The following TRIM37 variants were observed in gnomAD, a reference collection of about 807,000 sequenced individuals.
TRIM37 encodes the protein tripartite motif containing 37.
A neutral mutation model predicts 129.8 loss-of-function variants in TRIM37; 80 were observed. The observed-to-expected ratio is 0.62, with a 90% CI of 0.51 to 0.74. TRIM37 has a LOEUF of 0.74. Ranked by LOEUF, TRIM37 falls within the 30% of genes least tolerant of loss-of-function variation. TRIM37 has a pLI of 0.00. For missense variants in TRIM37, 1,054 were observed against 1,176.5 expected (o/e 0.90, Z 1.52); for synonymous variants, 389 against 387.1 (o/e 1.00, Z -0.06).
intron 2 of TRIM37, among the ~76,000 whole-genome samples, chr17:59,093,576 C>T (rs2044588964): frequency 6.6e-6 from 1 of 152,188 alleles, no homozygotes; most frequent in South Asian, 2.1e-4. Context: ...CCTTCAGATA[C>T]TTTATTACGA....
intron 1 of TRIM37, 53 bp downstream of exon 1, chr17:59,106,388 A>G (rs1240228498): frequency 1.2e-6 from 2 of 1,611,572 alleles, no homozygotes; most frequent in Non-Finnish European, 8.5e-7. Context: ...CCGAATAAAA[A>G]CCGCTCATCG....
intron 17 of TRIM37, among the ~76,000 whole-genome samples, chr17:59,038,023 A>G (rs2038749652): frequency 6.6e-6 from 1 of 152,162 alleles, no homozygotes; most frequent in African/African-American, 2.4e-5. Context: ...ATAAAGTACC[A>G]TTGTCAACAT....
chr17:59,083,949 T>C, intron 5 of TRIM37, 53 bp downstream of exon 5: 2 of 1,408,644 alleles, frequency 1.4e-6, no homozygotes, highest in Non-Finnish European at 2.0e-6. Context: ...AATAAGTATT[T>C]CAGTGCCTTC....
chr17:59,059,799 T>C (rs1174756469), intron 12 of TRIM37, among the ~76,000 whole-genome samples: 6 of 152,214 alleles, frequency 3.9e-5, no homozygotes, highest in Admixed American at 6.5e-5. Context: ...TCCAGAGCAG[T>C]GTTCAGTCTA....
At chr17:59,090,339 ATAT>A (rs1252043145) in intron 3 of TRIM37, among the ~76,000 whole-genome samples, 1 of 152,152 alleles carries the variant, frequency 6.6e-6, no homozygotes, top group African/African-American at 2.4e-5. Context: ...CTGCAAAACA[ATAT>A]TATATCATTG....
intron 13 of TRIM37, among the ~76,000 whole-genome samples, chr17:59,055,075 GC>G (rs1205049040): frequency 3.3e-5 from 5 of 151,956 alleles, no homozygotes; most frequent in Admixed American, 6.5e-5. Flanking sequence ...GGTGGCTCAT[GC>G]CTATAATCCC....
intron 12 of TRIM37, among the ~76,000 whole-genome samples, chr17:59,060,242 TAG>T (rs1211076732): frequency 6.6e-6 from 1 of 152,162 alleles, no homozygotes; most frequent in Admixed American, 6.5e-5. Context: ...GGAGAAATTG[TAG>T]AGTTAGTTTG....
intron 17 of TRIM37, among the ~76,000 whole-genome samples, chr17:59,034,719 T>C (rs1261144751): frequency 6.6e-6 from 1 of 152,134 alleles, no homozygotes; most frequent in Non-Finnish European, 1.5e-5. Flanking sequence ...GACTTTGGGT[T>C]GGCACTGATT....
At chr17:59,048,443 A>C (rs2040024741) in intron 15 of TRIM37, among the ~76,000 whole-genome samples, 1 of 152,092 alleles carries the variant, frequency 6.6e-6, no homozygotes, top group Admixed American at 6.6e-5. Flanking sequence ...CTTCTTATGT[A>C]AAAATATCAA....
chr17:59,005,655 T>C (rs1810772916), intron 22 of TRIM37, among the ~76,000 whole-genome samples: 1 of 152,188 alleles, frequency 6.6e-6, no homozygotes, highest in Non-Finnish European at 1.5e-5. Context: ...AATATTCAAA[T>C]GCTAGACTGC....
intron 22 of TRIM37, among the ~76,000 whole-genome samples, chr17:59,004,639 A>T (rs928653559): frequency 2.6e-5 from 4 of 152,196 alleles, no homozygotes; most frequent in Non-Finnish European, 5.9e-5. Flanking sequence ...AGTAAAATAT[A>T]ATAAAATGCT....
In TRIM37 at chr17:59,057,000, A is replaced by G; in HGVS notation, c.1074T>C (p.Asn358=). 6.2e-7 allele frequency: 1 copy of G among 1,613,840 alleles called. No homozygotes were observed. Among genetic ancestry groups the G allele is most frequent in the Non-Finnish European group, 8.5e-7 (1 of 1,179,902 alleles). ...VHQSCNDPTK[N]IIREFASDFE... ...AGTCAGATGCAAATTCTCGAATGAT[A>G]TTTTTTGTAGGATCATTACAGGACT... The change falls in exon 13 of 24, where the codon AAT becomes AAC. Residue 358 remains asparagine, a synonymous_variant. Transcript: ENST00000262294.
chr17:59,025,401 T>C (rs762622748), intron 19 of TRIM37, among the ~76,000 whole-genome samples: 19 of 151,182 alleles, frequency 1.3e-4, no homozygotes, highest in African/African-American at 3.2e-4. Flanking sequence ...TATAATATTA[T>C]TAATATTCAT....
intron 16 of TRIM37, among the ~76,000 whole-genome samples, chr17:59,045,483 C>T (rs887084711): frequency 2.7e-5 from 4 of 149,512 alleles, no homozygotes; most frequent in African/African-American, 9.9e-5. Flanking sequence ...ACTAAAAATA[C>T]AAAAAATTAG....
chr17:59,058,237 G>A (rs2041152981), intron 12 of TRIM37, among the ~76,000 whole-genome samples: 1 of 152,172 alleles, frequency 6.6e-6, no homozygotes, highest in Non-Finnish European at 1.5e-5. Context: ...CAACATGGAT[G>A]GATGGAGCTG....
At chr17:59,062,723 A>C in intron 10 of TRIM37, 75 bp from the exon 11 acceptor site, 1 of 1,202,752 alleles carries the variant, frequency 8.3e-7, no homozygotes, top group African/African-American at 1.5e-5. Context: ...AAGAAAGACC[A>C]ACCAGTTTCT....
At position 59,106,843 on chromosome 17, in the gene TRIM37, A is replaced by G; in HGVS notation, c.-382T>C. 2.6e-6 allele frequency: 1 copy of G among 389,342 alleles called. No individual in the cohort carries two copies. The highest frequency in any genetic ancestry group is 2.8e-5 in the South Asian group (1 of 35,286). The allele number at this position is 389,342 out of a possible 1,614,324, so 24.1% of individuals were successfully genotyped here. A position where few individuals can be genotyped will look rare whatever the true frequency, so the allele number is the denominator to read the frequency against. ...AGAGAATTCGCAAACACCAACCGTA[A>G]CCAGAGCAGCTGGGGGCGCGGCGGC... On this transcript the variant is annotated 5_prime_UTR_variant, in exon 1 of 24. Transcript: ENST00000262294.
chr17:59,106,350 A>G, intron 1 of TRIM37, 91 bp downstream of exon 1: 1 of 1,510,292 alleles, frequency 6.6e-7, no homozygotes, highest in Non-Finnish European at 9.1e-7. Context: ...GGGGTGCCCT[A>G]CTGGAGGGAG....
rs1157296161 is a variant in TRIM37, at chr17:59,081,937, CAAAA to C, written c.370-722_370-719del. 1.9e-3 allele frequency among the ~76,000 whole-genome samples: 92 copies of C among 48,904 alleles called. No individual in the cohort carries two copies. The Middle Eastern group carries it at 0.037, about 19-fold the overall frequency. 32.1% of individuals were successfully genotyped at this position (48,904 alleles called of 152,430 possible). On this transcript the variant is annotated intron_variant, in intron 5 of 23. Transcript: ENST00000262294. ...ATAATAATTTTTTAATAATAAAAAC[CAAAA>C]AAAAAAAAAAATAAAAAAAAAAAAA...
Sources: allele counts gnomAD v4.1 joint callset (sites outside exome capture counted in the v4.1 genomes callset), GRCh38; gene constraint gnomAD v4.1.1; transcripts MANE v1.5; gene names NCBI Gene and HGNC (gene_info 2026-07-23, HGNC 2026-07-21).